The following GSTA5 variants were observed in gnomAD, a reference collection of about 807,000 sequenced individuals.
GSTA5 encodes the protein glutathione S-transferase A5.
GSTA5 carries 25 observed loss-of-function variants against 21.8 expected under a neutral mutation model. That is an observed-to-expected ratio of 1.14 (90% CI 0.83 to 1.60). The LOEUF (loss-of-function observed/expected upper bound fraction) is 1.60. GSTA5 is among the 40% of genes most tolerant of loss of function. The pLI is 0.00. For missense variants in GSTA5, 330 were observed against 259.2 expected (o/e 1.27, Z -1.88); for synonymous variants, 102 against 89.5 (o/e 1.14, Z -0.78).
chr6:52,839,437 A>G (rs955597819), intron 1 of GSTA5, among the ~76,000 whole-genome samples: 1 of 152,236 alleles, frequency 6.6e-6, no homozygotes, highest in African/African-American at 2.4e-5. Flanking sequence ...GAAACAACCT[A>G]GAATGATAGT....
At chr6:52,844,858 T>G (rs1764431872), upstream of GSTA5, among the ~76,000 whole-genome samples, 1 of 152,216 alleles carries the variant, frequency 6.6e-6, no homozygotes, top group Non-Finnish European at 1.5e-5. Context: ...CTTTCTTTGA[T>G]CTATCTATCC....
At chr6:52,843,838 G>C, upstream of GSTA5, among the ~76,000 whole-genome samples, 1 of 152,164 alleles carries the variant, frequency 6.6e-6, no homozygotes, top group East Asian at 1.9e-4. Flanking sequence ...CATTGATTGA[G>C]AATCATGTTT....
upstream of GSTA5, among the ~76,000 whole-genome samples, chr6:52,842,196 A>G (rs1285362491): frequency 1.3e-5 from 2 of 152,174 alleles, no homozygotes; most frequent in East Asian, 1.9e-4. Context: ...AATGGCTGCA[A>G]GGACAGATGC....
upstream of GSTA5, among the ~76,000 whole-genome samples, chr6:52,844,828 T>C (rs933846480): frequency 1.3e-5 from 2 of 152,216 alleles, no homozygotes; most frequent in Admixed American, 6.5e-5. Flanking sequence ...TCTGGACACA[T>C]TGAGTAGCCC....
intron 2 of GSTA5, among the ~76,000 whole-genome samples, chr6:52,836,923 G>A (rs1764301779): frequency 1.3e-5 from 2 of 152,068 alleles, no homozygotes; most frequent in Admixed American, 1.3e-4. Flanking sequence ...CAGATACATA[G>A]CAGGACTCTT....
exon 4 of GSTA5, chr6:52,834,190 G>T (rs761310069): frequency 1.2e-6 from 2 of 1,614,118 alleles, no homozygotes; most frequent in South Asian, 1.1e-5. Flanking sequence ...TTTGACCAAG[G>T]CAGTCTTGGC....
chr6:52,839,316 T>TGCCCCTCCCTCCCTC (rs1764338629), intron 1 of GSTA5, among the ~76,000 whole-genome samples: 1 of 152,164 alleles, frequency 6.6e-6, no homozygotes, highest in Non-Finnish European at 1.5e-5. Context: ...CTCCCAGCCT[T>TGCCCCTCCCTCCCTC]GCCCCTCCCT....
chr6:52,837,355 C>T (rs1764307559), intron 2 of GSTA5, among the ~76,000 whole-genome samples: 1 of 152,196 alleles, frequency 6.6e-6, no homozygotes, highest in South Asian at 2.1e-4. Flanking sequence ...CTAACAAATA[C>T]TCTGAGAGGT....
chr6:52,845,151 G>A (rs1764436487), upstream of GSTA5, among the ~76,000 whole-genome samples: 1 of 151,994 alleles, frequency 6.6e-6, no homozygotes, highest in African/African-American at 2.4e-5. Flanking sequence ...TTTAGCTTCT[G>A]TACAGAGGTT....
At chr6:52,832,402 G>T (rs1312778484) in intron 5 of GSTA5, among the ~76,000 whole-genome samples, 1 of 152,190 alleles carries the variant, frequency 6.6e-6, no homozygotes, top group Non-Finnish European at 1.5e-5. Context: ...CAGATACAGT[G>T]TCAGGGGCAG....
At chr6:52,834,448 C>T (rs1011431467) in intron 3 of GSTA5, among the ~76,000 whole-genome samples, 166 bp from the exon 4 acceptor site, 1 of 152,102 alleles carries the variant, frequency 6.6e-6, no homozygotes, top group African/African-American at 2.4e-5. Context: ...GGTATATAGT[C>T]ATTATGTTCT....
chr6:52,831,694 G>T, exon 6 of GSTA5: 1 of 871,120 alleles, frequency 1.1e-6, no homozygotes, highest in Non-Finnish European at 1.7e-6. Flanking sequence ...TAGCTAAGTT[G>T]ACAGATAAGA....
chr6:52,843,985 A>G (rs1306502656), upstream of GSTA5, among the ~76,000 whole-genome samples: 1 of 151,346 alleles, frequency 6.6e-6, no homozygotes, highest in African/African-American at 2.4e-5. Flanking sequence ...AGCTTTGTTC[A>G]GTCAACACAA....
At chr6:52,833,602 C>G (rs1016800255) in intron 4 of GSTA5, among the ~76,000 whole-genome samples, 1 of 152,204 alleles carries the variant, frequency 6.6e-6, no homozygotes, top group Admixed American at 6.5e-5. Flanking sequence ...TAGGGGTGGA[C>G]TGCACTGATG....
At chr6:52,845,806 G>C (rs1437312187), upstream of GSTA5, among the ~76,000 whole-genome samples, 1 of 152,014 alleles carries the variant, frequency 6.6e-6, no homozygotes, top group Non-Finnish European at 1.5e-5. Flanking sequence ...TTCTCCTCAT[G>C]TCATTGTTTC....
intron 2 of GSTA5, 63 bp from the exon 3 acceptor site, chr6:52,836,431 A>G (rs536366587): frequency 9.9e-6 from 15 of 1,512,688 alleles, no homozygotes; most frequent in African/African-American, 2.8e-5. Context: ...TTGGGATGAA[A>G]AAAATGGTTA....
At chr6:52,836,946 T>C (rs1444749281) in intron 2 of GSTA5, among the ~76,000 whole-genome samples, 1 of 152,242 alleles carries the variant, frequency 6.6e-6, no homozygotes, top group Non-Finnish European at 1.5e-5. Flanking sequence ...ATTTTTTGTG[T>C]TGATTTATCT....
chr6:52,836,661 G>A (rs1233288081), intron 2 of GSTA5, among the ~76,000 whole-genome samples: 1 of 152,066 alleles, frequency 6.6e-6, no homozygotes, highest in African/African-American at 2.4e-5. Flanking sequence ...ACAGGCATGT[G>A]CCAACATACC....
chr6:52,835,866 T>C (rs2127323881), intron 3 of GSTA5, among the ~76,000 whole-genome samples: 1 of 152,294 alleles, frequency 6.6e-6, no homozygotes, highest in Non-Finnish European at 1.5e-5. Context: ...CAGGCCTTCA[T>C]CTACAGACTC....
Sources: allele counts gnomAD v4.1 joint callset (sites outside exome capture counted in the v4.1 genomes callset), GRCh38; gene constraint gnomAD v4.1.1; transcripts MANE v1.5; gene names NCBI Gene and HGNC (gene_info 2026-07-23, HGNC 2026-07-21).